Variants in MMP26 observed in about 807,000 individuals in gnomAD.
MMP26 encodes the protein matrix metallopeptidase 26, also known as matrix metalloproteinase-26.
MMP26 carries 33 observed loss-of-function variants against 31.0 expected under a neutral mutation model. That is an observed-to-expected ratio of 1.06 (90% confidence interval 0.81 to 1.42). MMP26 has a LOEUF of 1.42. Ranked by LOEUF, MMP26 falls within the 40% of genes most tolerant of loss-of-function variation. The pLI, the probability that MMP26 is intolerant of heterozygous loss-of-function variation, is 0.00. For synonymous variants in MMP26, 122 were observed against 114.9 expected, an observed-to-expected ratio of 1.06 and a Z score of -0.40; for missense variants, 347 against 316.1, an observed-to-expected ratio of 1.10 and a Z score of -0.74.
chr11:4,718,554 C>T (rs4910666), intron 1 of MMP26: 53,341 of 152,738 alleles, frequency 0.35, 11,355 homozygotes, highest in African/African-American at 0.6. Context: ...GCATAATAAA[C>T]AAATACAGTT....
chr11:4,730,394 G>A (rs1848157608), intron 1 of MMP26, among the ~76,000 whole-genome samples: 1 of 133,106 alleles, frequency 7.5e-6, no homozygotes, highest in South Asian at 2.6e-4. Flanking sequence ...TAACACTTAG[G>A]TTTCTGGGAA....
intron 2 of MMP26, among the ~76,000 whole-genome samples, chr11:4,972,004 A>G (rs1357163764): frequency 6.6e-6 from 1 of 152,160 alleles, no homozygotes; most frequent in Non-Finnish European, 1.5e-5. Flanking sequence ...ACTAGGCCCC[A>G]TCTCCAACAT....
chr11:4,909,006 T>C (rs538578099), intron 2 of MMP26: 1 of 152,370 alleles, frequency 6.6e-6, no homozygotes. Flanking sequence ...GCTGCTGTTG[T>C]TATTTTTCTG....
At chr11:4,973,192 T>C (rs1389714824) in intron 2 of MMP26, 1 of 181,462 alleles carries the variant, frequency 5.5e-6, no homozygotes, top group African/African-American at 2.4e-5. Context: ...TTTTCTTTCA[T>C]GATGCTATGC....
At chr11:4,936,813 A>G (rs1340634482) in intron 2 of MMP26, among the ~76,000 whole-genome samples, 1 of 152,166 alleles carries the variant, frequency 6.6e-6, no homozygotes, top group East Asian at 1.9e-4. Flanking sequence ...CTTTGTAATA[A>G]TGTAATTGAC....
chr11:4,735,042 A>T (rs1265889961), intron 1 of MMP26, among the ~76,000 whole-genome samples: 1 of 152,136 alleles, frequency 6.6e-6, no homozygotes, highest in African/African-American at 2.4e-5. Context: ...GGGGTGAGAC[A>T]TATTGGTGGT....
intron 2 of MMP26, among the ~76,000 whole-genome samples, chr11:4,865,532 TTACAACTTCAGGGAAAAA>T (rs1402108980): frequency 6.6e-6 from 1 of 152,080 alleles, no homozygotes; most frequent in Non-Finnish European, 1.5e-5. Flanking sequence ...TTGAAAACCT[TTACAACTTCAGGGAAAAA>T]TACCACTCTC....
At chr11:4,908,309 G>A in intron 2 of MMP26, 1 of 1,611,996 alleles carries the variant, frequency 6.2e-7, no homozygotes, top group South Asian at 1.1e-5. Flanking sequence ...TGGGAGATAA[G>A]AACTTGAACA....
At chr11:4,775,264 G>T (rs1167195147) in intron 2 of MMP26, among the ~76,000 whole-genome samples, 1 of 152,160 alleles carries the variant, frequency 6.6e-6, no homozygotes, top group Non-Finnish European at 1.5e-5. Flanking sequence ...CATGAACATG[G>T]AATATTTTTC....
intron 2 of MMP26, among the ~76,000 whole-genome samples, chr11:4,984,639 C>T (rs1846860797): frequency 6.6e-6 from 1 of 152,066 alleles, no homozygotes; most frequent in Admixed American, 6.6e-5. Context: ...CCTACAGTGT[C>T]ATTTATGGGC....
At chr11:4,878,365 TA>T (rs1850413201) in intron 2 of MMP26, among the ~76,000 whole-genome samples, 1 of 152,154 alleles carries the variant, frequency 6.6e-6, no homozygotes, top group African/African-American at 2.4e-5. Flanking sequence ...TTTATTTGTG[TA>T]TTTATTTATA....
chr11:4,979,342 A>G (rs955456331), intron 2 of MMP26, among the ~76,000 whole-genome samples: 3 of 152,148 alleles, frequency 2.0e-5, no homozygotes, highest in African/African-American at 7.2e-5. Flanking sequence ...ACCATTATAC[A>G]CATTATACTG....
intron 2 of MMP26, among the ~76,000 whole-genome samples, chr11:4,797,458 C>A (rs1849123503): frequency 6.6e-6 from 1 of 152,166 alleles, no homozygotes. Flanking sequence ...TTGCCCACAC[C>A]TTCCTGCTGC....
At chr11:4,724,765 TATGGCTGA>T (rs1246914428) in intron 1 of MMP26, among the ~76,000 whole-genome samples, 4 of 152,220 alleles carry the variant, frequency 2.6e-5, no homozygotes, top group Non-Finnish European at 5.9e-5. Flanking sequence ...CCTTCCTAGT[TATGGCTGA>T]GACAGAAAAA....
At chr11:4,784,022 T>TA (rs1848901491) in intron 2 of MMP26, among the ~76,000 whole-genome samples, 1 of 152,232 alleles carries the variant, frequency 6.6e-6, no homozygotes, top group Non-Finnish European at 1.5e-5. Flanking sequence ...TTTAGTGGTT[T>TA]AAAATAGTGA....
At chr11:4,945,080 A>G (rs1846273407) in intron 2 of MMP26, 1 of 152,190 alleles carries the variant, frequency 6.6e-6, no homozygotes, top group African/African-American at 2.4e-5. Context: ...AGGATAAAAT[A>G]TATCTGTAAT....
Position 4,755,443 on chromosome 11 carries a change from C to T in MMP26, c.-216-11827C>T, listed in dbSNP as rs569875946. On this transcript the variant is annotated intron_variant, in intron 1 of 7. Coordinates refer to ENST00000380390, the MANE Select transcript of MMP26 (RefSeq NM_021801.5). ...CTGTACCAACATAAAAAGTTGGGAA[C>T]GAGCCATTTATTTTTATAGGATGCT... Among the ~76,000 whole-genome samples the T allele has an allele frequency of 3.6e-4, 54 of 151,972 alleles. 1 individual carries two copies. Among genetic ancestry groups the T allele is most frequent in the East Asian group, 3.1e-3 (16 of 5,184 alleles).
Position 4,927,234 on chromosome 11 carries a change from C to T in MMP26, c.-144-60834C>T, listed in dbSNP as rs577228020. Among the ~76,000 whole-genome samples the T allele has an allele frequency of 3.3e-5, 5 of 152,252 alleles. No homozygotes were observed. In the East Asian group the frequency reaches 9.6e-4, roughly 29 times the overall value. On this transcript the variant is annotated intron_variant, in intron 2 of 7. Coordinates refer to ENST00000380390, the MANE Select transcript of MMP26 (RefSeq NM_021801.5). Reference sequence around the variant, plus strand: ...TCAGCATCTGTCTTTATGACAGTCTCCAAAGTATCTTCGAAGTACAATCAT... The same window carrying T: ...TCAGCATCTGTCTTTATGACAGTCTTCAAAGTATCTTCGAAGTACAATCAT...
At chr11:4,765,520 T>C (rs961213815) in intron 1 of MMP26, among the ~76,000 whole-genome samples, 4 of 152,216 alleles carry the variant, frequency 2.6e-5, no homozygotes, top group African/African-American at 9.7e-5. Context: ...CTATTATCCA[T>C]GTGCACACCA....
Sources: allele counts gnomAD v4.1 joint callset (sites outside exome capture counted in the v4.1 genomes callset), GRCh38; gene constraint gnomAD v4.1.1; transcripts MANE v1.5; gene names NCBI Gene and HGNC (gene_info 2026-07-23, HGNC 2026-07-21).